Variants in PPP1R9A observed in about 807,000 individuals in gnomAD.
The protein encoded by PPP1R9A is neurabin-1.
In PPP1R9A, 59 loss-of-function variants were observed where a neutral mutation model predicts 141.9. The observed-to-expected ratio is 0.42, with a 90% CI of 0.34 to 0.52. The LOEUF (loss-of-function observed/expected upper bound fraction) is 0.52. Among genes scored for constraint, PPP1R9A ranks in the 20% least tolerant of loss-of-function variants. The pLI, the probability that PPP1R9A is intolerant of heterozygous loss-of-function variation, is 0.10. For synonymous variants in PPP1R9A, 500 were observed against 569.7 expected (o/e 0.88, Z 1.74); for missense variants, 1,444 against 1,611.9 (o/e 0.90, Z 1.78).
rs573061811 is a variant in PPP1R9A, at chr7:95,097,797, A to AG, written c.1396-13460dup. Among the ~76,000 whole-genome samples, 8 of 152,320 alleles carry AG rather than the reference A, an allele frequency of 5.3e-5. No individual in the cohort carries two copies. The East Asian group carries it at 1.5e-3, about 29-fold the overall frequency. On this transcript the variant is annotated intron_variant, in intron 2 of 19. Coordinates refer to ENST00000433360, the MANE Select transcript of PPP1R9A (RefSeq NM_001166160.2). ...TCTAAATTACTGTACCTTTTCTATG[A>AG]GGAAGAGTTGAACTGTTGGTGTATC... is the stretch of plus-strand genomic sequence containing the variant.
intron 2 of PPP1R9A, among the ~76,000 whole-genome samples, chr7:95,093,801 G>T (rs1027790760): frequency 2.0e-5 from 3 of 152,100 alleles, no homozygotes; most frequent in African/African-American, 7.2e-5. Context: ...CTATGCATAA[G>T]ACTTCTTTGT....
intron 2 of PPP1R9A, among the ~76,000 whole-genome samples, chr7:94,996,982 G>C (rs1226409428): frequency 2.0e-5 from 3 of 151,556 alleles, no homozygotes; most frequent in Non-Finnish European, 2.9e-5. Flanking sequence ...TTTTGTATTT[G>C]GTAGAGACAC....
chr7:94,914,526 A>G (rs1478249803), intron 2 of PPP1R9A, among the ~76,000 whole-genome samples: 2 of 152,218 alleles, frequency 1.3e-5, no homozygotes, highest in Admixed American at 6.5e-5. Flanking sequence ...CTTATTAGAT[A>G]GATTGTTATG....
chr7:94,972,061 A>T lies in PPP1R9A; in HGVS notation c.1395+60553A>T, dbSNP rs182211538. Among the ~76,000 whole-genome samples the T allele has an allele frequency of 3.3e-4, 51 of 152,324 alleles. No homozygotes were observed. In the East Asian group the frequency reaches 9.6e-3, roughly 29 times the overall value. On this transcript the variant is annotated intron_variant, in intron 2 of 19. Transcript: ENST00000433360. Reference sequence around the variant, plus strand: ...GTTGATTCTAAATTAAAATACAGAGATATTTCTGTTATGGCCATGATGACC... The same window carrying T: ...GTTGATTCTAAATTAAAATACAGAGTTATTTCTGTTATGGCCATGATGACC...
intron 2 of PPP1R9A, among the ~76,000 whole-genome samples, chr7:94,963,476 C>CAGCT (rs1468761552): frequency 6.6e-6 from 1 of 152,130 alleles, no homozygotes; most frequent in Non-Finnish European, 1.5e-5. Flanking sequence ...TAGCCACAGG[C>CAGCT]AGCTGCTAAT....
At chr7:95,190,878 C>G (rs961561928) in intron 5 of PPP1R9A, among the ~76,000 whole-genome samples, 1 of 152,202 alleles carries the variant, frequency 6.6e-6, no homozygotes, top group Non-Finnish European at 1.5e-5. Context: ...TGTCTGCCAT[C>G]TTGACTCCAC....
At chr7:95,138,225 C>T (rs1826033096) in intron 4 of PPP1R9A, among the ~76,000 whole-genome samples, 2 of 152,182 alleles carry the variant, frequency 1.3e-5, no homozygotes, top group African/African-American at 4.8e-5. Context: ...AGCCACCGCG[C>T]CCGGCCAGCT....
chr7:95,279,490 C>T (rs1362257021), intron 16 of PPP1R9A, among the ~76,000 whole-genome samples: 1 of 152,178 alleles, frequency 6.6e-6, no homozygotes. Context: ...TTCCCCATAA[C>T]TGTCTAGCCC....
intron 3 of PPP1R9A, among the ~76,000 whole-genome samples, chr7:95,111,987 A>G (rs1169350681): frequency 6.6e-6 from 1 of 152,046 alleles, no homozygotes; most frequent in Non-Finnish European, 1.5e-5. Flanking sequence ...TGGGCACCCA[A>G]GAACTGAACT....
intron 2 of PPP1R9A, among the ~76,000 whole-genome samples, chr7:94,982,163 T>A (rs199796831): frequency 6.6e-6 from 1 of 152,206 alleles, no homozygotes; most frequent in Non-Finnish European, 1.5e-5. Context: ...CTCATCATTT[T>A]TTATGGCTGC....
intron 2 of PPP1R9A, among the ~76,000 whole-genome samples, chr7:94,946,956 C>T (rs1040806376): frequency 1.3e-5 from 2 of 152,074 alleles, no homozygotes; most frequent in East Asian, 1.9e-4. Context: ...TATATCTTTG[C>T]ATCACTTTCT....
chr7:95,094,626 T>G (rs2152360173), intron 2 of PPP1R9A, among the ~76,000 whole-genome samples: 1 of 152,234 alleles, frequency 6.6e-6, no homozygotes, highest in Non-Finnish European at 1.5e-5. Context: ...ACACCTGTAA[T>G]CCCAGCACTT....
rs564322457 is a variant in PPP1R9A at position 95,123,716 on chromosome 7, G to A, written c.1649+2884G>A. 1.6e-4 allele frequency among the ~76,000 whole-genome samples: 25 copies of A among 152,152 alleles called. 2 individuals carry two copies. Among genetic ancestry groups the A allele is most frequent in the African/African-American group, 5.3e-4 (22 of 41,542 alleles). ...AGAATCTTTAAGAAAATGTAACTAG[G>A]AGCCTTCATTCCATTCCCTCTACTT... is the stretch of plus-strand genomic sequence containing the variant. On this transcript the variant is annotated intron_variant, in intron 4 of 19. Transcript: ENST00000433360.
rs982820845 is a variant in PPP1R9A, at chr7:94,911,247, T to C, written c.1134T>C (p.Ser378=). Residue 378 remains serine (S), a synonymous_variant, in exon 2 of 20, where the codon AGT becomes AGC. Transcript: ENST00000433360. ...DFTSPDASAS[S]CGKEVPEDSN... is the part of the protein sequence containing the mutation. ...CCTCTCCTGATGCTTCTGCATCCAG[T>C]TGTGGAAAAGAAGTACCTGAAGATT... The C allele has an allele frequency of 6.2e-7, 1 of 1,614,172 alleles. No individual in the cohort carries two copies. Among genetic ancestry groups the C allele is most frequent in the South Asian group, 1.1e-5 (1 of 91,086 alleles).
intron 5 of PPP1R9A, among the ~76,000 whole-genome samples, chr7:95,164,741 C>CTTTT (rs200177321): frequency 1.8e-3 from 120 of 66,108 alleles, no homozygotes; most frequent in East Asian, 2.3e-3. Context: ...CTTTTCTTTT[C>CTTTT]TTTTTTTTTT....
intron 4 of PPP1R9A, among the ~76,000 whole-genome samples, chr7:95,130,035 TG>T (rs1261365706): frequency 6.6e-6 from 1 of 152,188 alleles, no homozygotes; most frequent in Admixed American, 6.5e-5. Flanking sequence ...TCAAATCAGC[TG>T]CAGAAATTTG....
At chr7:95,133,537 A>ATATATATATG (rs1825067619) in intron 4 of PPP1R9A, among the ~76,000 whole-genome samples, 1 of 147,376 alleles carries the variant, frequency 6.8e-6, no homozygotes, top group African/African-American at 2.5e-5. Context: ...ATATATATAT[A>ATATATATATG]TATATGCACA....
rs886805474 is a variant in PPP1R9A, at chr7:95,293,380, T to G, written c.*3077T>G. ...ATCCATTCTAACACTCCTGATGAAG[T>G]CCCCCTTTAGTTTCATGACAATAAA... is the stretch of plus-strand genomic sequence containing the variant. On this transcript the variant is annotated 3_prime_UTR_variant, in exon 20 of 20. Transcript: ENST00000433360. 2 of 152,086 alleles carry G rather than the reference T, an allele frequency of 1.3e-5. No individual in the cohort carries two copies. The highest frequency in any genetic ancestry group is 4.8e-5 in the African/African-American group (2 of 41,394). The allele number at this position is 152,086 out of a possible 1,614,324, so 9.4% of individuals were successfully genotyped here.
intron 2 of PPP1R9A, among the ~76,000 whole-genome samples, chr7:95,067,776 A>C (rs1187310843): frequency 6.6e-6 from 1 of 152,100 alleles, no homozygotes; most frequent in Non-Finnish European, 1.5e-5. Context: ...AGCAGTGCCC[A>C]ATCAGGTGGT....
Sources: allele counts gnomAD v4.1 joint callset (sites outside exome capture counted in the v4.1 genomes callset), GRCh38; gene constraint gnomAD v4.1.1; transcripts MANE v1.5; gene names NCBI Gene and HGNC (gene_info 2026-07-23, HGNC 2026-07-21).